SMYD3: variants seen among roughly 807,000 people sequenced by gnomAD.
SMYD3 encodes SET and MYND domain containing 3.
In SMYD3, 36 loss-of-function variants were observed where a neutral mutation model predicts 57.7. The ratio of observed to expected loss-of-function variants is 0.62; its 90% CI spans 0.48 to 0.82. SMYD3 has a LOEUF of 0.82. Among genes scored for constraint, SMYD3 ranks in the 40% least tolerant of loss-of-function variants. The pLI, the probability that SMYD3 is intolerant of heterozygous loss-of-function variation, is 0.00. For missense variants in SMYD3, 515 were observed against 538.8 expected, an observed-to-expected ratio of 0.96 and a Z score of 0.44; for synonymous variants, 211 against 195.0, an observed-to-expected ratio of 1.08 and a Z score of -0.68.
intron 5 of SMYD3, among the ~76,000 whole-genome samples, chr1:245,995,558 G>A (rs1460332066): frequency 6.6e-6 from 1 of 152,202 alleles, no homozygotes. Context: ...TCTTTGCATT[G>A]CCTTTCTTTT....
intron 1 of SMYD3, among the ~76,000 whole-genome samples, chr1:246,472,250 GGAA>G (rs928873946): frequency 6.6e-6 from 1 of 151,846 alleles, no homozygotes; most frequent in Non-Finnish European, 1.5e-5. Flanking sequence ...TTGATCTTGT[GGAA>G]GAAGAAAAAA....
At chr1:246,431,850 T>C (rs1183714397) in intron 1 of SMYD3, among the ~76,000 whole-genome samples, 2 of 152,246 alleles carry the variant, frequency 1.3e-5, no homozygotes, top group African/African-American at 4.8e-5. Flanking sequence ...AAATTTCATT[T>C]TGACTCAATT....
intron 5 of SMYD3, among the ~76,000 whole-genome samples, chr1:246,222,403 G>C (rs2063270533): frequency 6.6e-6 from 1 of 152,214 alleles, no homozygotes; most frequent in Admixed American, 6.5e-5. Context: ...AATAAGAACA[G>C]GATTTGAGCC....
At chr1:245,825,257 G>A (rs889979949) in intron 10 of SMYD3, among the ~76,000 whole-genome samples, 19 of 152,058 alleles carry the variant, frequency 1.2e-4, no homozygotes, top group Non-Finnish European at 2.2e-4. Flanking sequence ...ATCTCCCTAC[G>A]TTCTCTTAGA....
intron 1 of SMYD3, among the ~76,000 whole-genome samples, chr1:246,370,070 C>G (rs997054075): frequency 2.6e-5 from 4 of 152,298 alleles, no homozygotes; most frequent in Admixed American, 2.0e-4. Context: ...TGCTTGAGTA[C>G]TCCCCTTCCA....
At chr1:246,093,391 A>T (rs2060854697) in intron 5 of SMYD3, among the ~76,000 whole-genome samples, 1 of 152,232 alleles carries the variant, frequency 6.6e-6, no homozygotes, top group Non-Finnish European at 1.5e-5. Context: ...ATAAATGCAT[A>T]AAGAAAATAT....
At chr1:246,481,825 T>C (rs1250213187) in intron 1 of SMYD3, among the ~76,000 whole-genome samples, 2 of 150,732 alleles carry the variant, frequency 1.3e-5, no homozygotes, top group Non-Finnish European at 3.0e-5. Context: ...ACTCTACTGG[T>C]TTCTCTGGAG....
chr1:245,756,878 T>A (rs968960368), intron 11 of SMYD3, among the ~76,000 whole-genome samples: 2 of 151,928 alleles, frequency 1.3e-5, no homozygotes, highest in Non-Finnish European at 2.9e-5. Flanking sequence ...CGGTTTATAC[T>A]GTTCGGGGTT....
intron 10 of SMYD3, among the ~76,000 whole-genome samples, chr1:245,767,575 G>A (rs531829536): frequency 5.7e-4 from 86 of 152,202 alleles, no homozygotes; most frequent in Admixed American, 9.2e-4. Context: ...GAGCCTGAGT[G>A]TGTTTCCACT....
chr1:246,163,209 A>G (rs2062151359), intron 5 of SMYD3, among the ~76,000 whole-genome samples: 2 of 152,202 alleles, frequency 1.3e-5, no homozygotes, highest in East Asian at 3.8e-4. Context: ...CAATGAAAAT[A>G]GTTTATTCTA....
At chr1:245,849,790 C>G (rs2050866409) in intron 10 of SMYD3, among the ~76,000 whole-genome samples, 1 of 152,124 alleles carries the variant, frequency 6.6e-6, no homozygotes, top group African/African-American at 2.4e-5. Flanking sequence ...GTGGCTGGGA[C>G]TACAGGCACA....
At chr1:246,348,315 C>G (rs2065760268) in intron 2 of SMYD3, among the ~76,000 whole-genome samples, 1 of 151,586 alleles carries the variant, frequency 6.6e-6, no homozygotes, top group Non-Finnish European at 1.5e-5. Flanking sequence ...ACTCAGGAGG[C>G]TGAGGCACGA....
At chr1:246,244,363 A>G (rs1215115973) in intron 5 of SMYD3, among the ~76,000 whole-genome samples, 1 of 152,028 alleles carries the variant, frequency 6.6e-6, no homozygotes, top group Non-Finnish European at 1.5e-5. Context: ...ACTAGAGAGA[A>G]GGATTCTACT....
intron 5 of SMYD3, among the ~76,000 whole-genome samples, chr1:246,046,235 T>A (rs1304749952): frequency 6.6e-6 from 1 of 152,122 alleles, no homozygotes; most frequent in East Asian, 1.9e-4. Flanking sequence ...CAAATGTCCA[T>A]CAATGATAGA....
At chr1:246,323,260 T>A (rs1385186255) in intron 5 of SMYD3, among the ~76,000 whole-genome samples, 1 of 152,082 alleles carries the variant, frequency 6.6e-6, no homozygotes, top group Non-Finnish European at 1.5e-5. Context: ...GCTATTAGGG[T>A]GTGTGTGTAT....
chr1:246,398,472 T>G (rs2148781443), intron 1 of SMYD3, among the ~76,000 whole-genome samples: 1 of 152,338 alleles, frequency 6.6e-6, no homozygotes, highest in Non-Finnish European at 1.5e-5. Flanking sequence ...TATAATAAGG[T>G]ATGGTAAAAG....
rs183148809 is a variant in SMYD3 at position 245,970,446 on chromosome 1, C to T, written c.532-40509G>A. On this transcript the variant is annotated intron_variant, in intron 5 of 11. Coordinates refer to ENST00000490107, the MANE Select transcript of SMYD3 (RefSeq NM_001167740.2). Reference sequence around the variant, plus strand: ...ACACCAAAAGCAATGGCAACAAAAGCCAAAATTGACAAATGGGATCTAATT... The same window carrying T: ...ACACCAAAAGCAATGGCAACAAAAGTCAAAATTGACAAATGGGATCTAATT... Among the ~76,000 whole-genome samples, 11 of 152,184 alleles carry T rather than the reference C, an allele frequency of 7.2e-5. No homozygotes were observed. In the East Asian group the frequency reaches 2.1e-3, roughly 29 times the overall value.
intron 5 of SMYD3, among the ~76,000 whole-genome samples, chr1:246,283,797 A>G (rs2064500282): frequency 6.6e-6 from 1 of 152,130 alleles, no homozygotes; most frequent in Non-Finnish European, 1.5e-5. Flanking sequence ...TCTGTCTCCC[A>G]CTGACACAAC....
At chr1:246,326,606 A>AC in intron 5 of SMYD3, among the ~76,000 whole-genome samples, 1 of 111,548 alleles carries the variant, frequency 9.0e-6, no homozygotes, top group South Asian at 2.6e-4. Flanking sequence ...AAAAAAAAAA[A>AC]AACAAAATTT....
Sources: allele counts gnomAD v4.1 joint callset (sites outside exome capture counted in the v4.1 genomes callset), GRCh38; gene constraint gnomAD v4.1.1; transcripts MANE v1.5; gene names NCBI Gene and HGNC (gene_info 2026-07-23, HGNC 2026-07-21).